MFAP1: variants seen among roughly 807,000 people sequenced by gnomAD.
The protein encoded by MFAP1 is microfibril associated protein 1, also known as microfibrillar-associated protein 1.
MFAP1 carries 18 observed loss-of-function variants against 62.2 expected under a neutral mutation model. That is an observed-to-expected ratio of 0.29 (90% CI 0.20 to 0.43). The LOEUF (loss-of-function observed/expected upper bound fraction) is 0.43. MFAP1 is among the 20% of genes least tolerant of loss of function. The pLI is 1.00. For missense variants in MFAP1, 355 were observed against 559.7 expected, an observed-to-expected ratio of 0.63 and a Z score of 3.69; for synonymous variants, 175 against 180.4, an observed-to-expected ratio of 0.97 and a Z score of 0.24.
Position 43,814,952 on chromosome 15 carries a change from T to G in MFAP1, c.422A>C (p.Asp141Ala). 6.2e-7 allele frequency: 1 copy of G among 1,614,082 alleles called. No homozygotes were observed. ...CATGTTCCTTTATCATACCTCATCA[T>G]CAATTTCCTCCTCCTCTTCTTCACT... ...DSSEEEEEEI[D>A]DEEIERRRGM... The change falls in exon 3 of 9, where the codon GAT (aspartate) becomes GCT (alanine). Residue 141 changes from aspartate (D) to alanine (A), a missense_variant. Physicochemically the swap from Asp to Ala is moderately radical, Grantham distance 126. Transcript: ENST00000267812.
intron 2 of MFAP1, among the ~76,000 whole-genome samples, chr15:43,815,708 C>G (rs996739670): frequency 6.6e-6 from 1 of 151,956 alleles, no homozygotes; most frequent in African/African-American, 2.4e-5. Flanking sequence ...TCTTGGCTCA[C>G]CACAACCTCC....
intron 4 of MFAP1, 65 bp from the exon 5 acceptor site, chr15:43,813,422 C>T: frequency 1.4e-6 from 2 of 1,448,252 alleles, no homozygotes; most frequent in Admixed American, 2.4e-5. Context: ...TTCCCCTAGA[C>T]CTAGTCCCAT....
chr15:43,810,359 CTTTTTTT>C (rs372486106), intron 6 of MFAP1, among the ~76,000 whole-genome samples: 8 of 142,926 alleles, frequency 5.6e-5, no homozygotes, highest in African/African-American at 1.8e-4. Flanking sequence ...ATTGCAGTAA[CTTTTTTT>C]TTTTTTTTTC....
intron 4 of MFAP1, among the ~76,000 whole-genome samples, chr15:43,814,216 C>T (rs2087420740): frequency 6.6e-6 from 1 of 152,172 alleles, no homozygotes; most frequent in African/African-American, 2.4e-5. Flanking sequence ...TGCCATTGCA[C>T]TCCAGCCTGG....
intron 1 of MFAP1, among the ~76,000 whole-genome samples, chr15:43,817,735 C>T (rs760504448): frequency 6.6e-6 from 1 of 152,132 alleles, no homozygotes; most frequent in Non-Finnish European, 1.5e-5. Context: ...AGTCCCCCCC[C>T]AAAAAGGCAG....
intron 3 of MFAP1, 88 bp from the exon 4 acceptor site, chr15:43,814,776 A>C (rs1176813411): frequency 1.3e-6 from 2 of 1,514,946 alleles, no homozygotes; most frequent in Admixed American, 2.0e-5. Flanking sequence ...AAATGTAAAA[A>C]GATACAACTT....
At chr15:43,806,787 A>G (rs2087368716) in intron 7 of MFAP1, among the ~76,000 whole-genome samples, 1 of 152,152 alleles carries the variant, frequency 6.6e-6, no homozygotes, top group Admixed American at 6.5e-5. Flanking sequence ...CAGGAGAATC[A>G]CTTGAACTCA....
intron 7 of MFAP1, among the ~76,000 whole-genome samples, chr15:43,809,511 C>CT (rs1467396485): frequency 3.3e-5 from 5 of 150,938 alleles, no homozygotes; most frequent in African/African-American, 1.2e-4. Flanking sequence ...AAAAAAAAGT[C>CT]TATTACATCA....
chr15:43,823,944 G>A lies in MFAP1; in HGVS notation c.79+547C>T, dbSNP rs114739863. ...GCAGACTTCTATGGACAGCAAAAGA[G>A]GGACTGTATCCCGCACAATGCCCTG... On this transcript the variant is annotated intron_variant, in intron 1 of 8. Transcript: ENST00000267812. Among the ~76,000 whole-genome samples, 1,173 of 152,210 alleles carry A rather than the reference G, an allele frequency of 7.7e-3. 17 individuals are homozygous for A. Among genetic ancestry groups the A allele is most frequent in the African/African-American group, 0.027 (1,111 of 41,534 alleles).
chr15:43,822,826 T>C (rs1177080028), intron 1 of MFAP1, among the ~76,000 whole-genome samples: 1 of 151,996 alleles, frequency 6.6e-6, no homozygotes, highest in Non-Finnish European at 1.5e-5. Context: ...ATCCCGCTAA[T>C]TTTTAATTAT....
At chr15:43,824,358 G>A (rs1157234628) in intron 1 of MFAP1, 133 bp downstream of exon 1, 1 of 840,470 alleles carries the variant, frequency 1.2e-6, no homozygotes, top group Non-Finnish European at 1.9e-6. Flanking sequence ...GGTGGGGGTG[G>A]AAAGATCGAA....
intron 7 of MFAP1, among the ~76,000 whole-genome samples, chr15:43,805,827 T>A (rs1351873908): frequency 1.3e-5 from 2 of 152,092 alleles, no homozygotes; most frequent in Non-Finnish European, 2.9e-5. Flanking sequence ...TTAGCCCAGA[T>A]GGTCTCGATA....
chr15:43,823,201 G>T (rs977703914), intron 1 of MFAP1, among the ~76,000 whole-genome samples: 2 of 151,358 alleles, frequency 1.3e-5, no homozygotes, highest in Non-Finnish European at 2.9e-5. Flanking sequence ...GCCCAAGCTG[G>T]TCTTGAACTC....
chr15:43,809,015 T>G (rs2087382167), intron 7 of MFAP1, among the ~76,000 whole-genome samples: 1 of 152,214 alleles, frequency 6.6e-6, no homozygotes, highest in Non-Finnish European at 1.5e-5. Context: ...CAGAATGAAG[T>G]GAACTAACTT....
At chr15:43,824,160 A>G (rs768150511) in intron 1 of MFAP1, among the ~76,000 whole-genome samples, 27 of 151,208 alleles carry the variant, frequency 1.8e-4, no homozygotes, top group Non-Finnish European at 4.4e-5. Flanking sequence ...TTAGACTAAT[A>G]CATATATTCT....
chr15:43,807,493 C>T (rs1348524667), intron 7 of MFAP1, among the ~76,000 whole-genome samples: 7 of 151,276 alleles, frequency 4.6e-5, no homozygotes, highest in Admixed American at 2.0e-4. Flanking sequence ...TGACTACAGG[C>T]GCCCGCCACC....
In MFAP1 at chr15:43,804,709, T is replaced by C. The variant is rs978750805; in HGVS notation, c.*385A>G. On this transcript the variant is annotated 3_prime_UTR_variant, in exon 9 of 9. Transcript: ENST00000267812. ...CATGAGCTTAGATTTCCGGGTATAT[T>C]ACTCCTAAACCTAAGGTAGAAGTAA... The C allele has an allele frequency of 1.7e-4, 28 of 165,010 alleles. No homozygotes were observed. The highest frequency in any genetic ancestry group is 2.9e-4 in the Non-Finnish European group (22 of 77,128). The allele number at this position is 165,010 out of a possible 1,614,324, so 10.2% of individuals were successfully genotyped here.
chr15:43,815,681 G>A (rs901971825), intron 2 of MFAP1, among the ~76,000 whole-genome samples: 14 of 151,786 alleles, frequency 9.2e-5, no homozygotes, highest in Non-Finnish European at 1.6e-4. Flanking sequence ...CACCCAGGCT[G>A]AAGTGCAAGG....
Position 43,811,570 on chromosome 15 carries a change from C to T in MFAP1, c.887+1417G>A, listed in dbSNP as rs377123287. On this transcript the variant is annotated intron_variant, in intron 6 of 8. Transcript: ENST00000267812. ...TCACCTAGGCTGGAGTGCAGTGGCA[C>T]GATCTCAGCTCACCGCAACCTCTGC... Among the ~76,000 whole-genome samples, 21 of 150,260 alleles carry T rather than the reference C, an allele frequency of 1.4e-4. No individual in the cohort carries two copies. In the South Asian group the frequency reaches 2.3e-3, roughly 17 times the overall value.
Sources: allele counts gnomAD v4.1 joint callset (sites outside exome capture counted in the v4.1 genomes callset), GRCh38; gene constraint gnomAD v4.1.1; transcripts MANE v1.5; gene names NCBI Gene and HGNC (gene_info 2026-07-23, HGNC 2026-07-21).